The following CEP85L variants were observed in gnomAD, a reference collection of about 807,000 sequenced individuals.
The protein encoded by CEP85L is centrosomal protein 85L.
In CEP85L, 60 loss-of-function variants were observed where a neutral mutation model predicts 100.3. The observed-to-expected ratio is 0.60, with a 90% CI of 0.49 to 0.74. The LOEUF is 0.74. Ranked by LOEUF, CEP85L falls within the 30% of genes least tolerant of loss-of-function variation. The pLI, the probability that CEP85L is intolerant of heterozygous loss-of-function variation, is 0.00. For missense variants in CEP85L, 973 were observed against 936.2 expected, an observed-to-expected ratio of 1.04 and a Z score of -0.51; for synonymous variants, 319 against 322.7, an observed-to-expected ratio of 0.99 and a Z score of 0.12.
chr6:118,540,225 G>A (rs1185332202), intron 3 of CEP85L, among the ~76,000 whole-genome samples: 2 of 151,988 alleles, frequency 1.3e-5, no homozygotes, highest in Non-Finnish European at 2.9e-5. Flanking sequence ...TACTGTAATA[G>A]TAATTATGGC....
At chr6:118,520,249 A>C (rs1776578881) in intron 4 of CEP85L, among the ~76,000 whole-genome samples, 1 of 152,230 alleles carries the variant, frequency 6.6e-6, no homozygotes, top group African/African-American at 2.4e-5. Flanking sequence ...CTCTATACTG[A>C]AAAAGTAAAT....
chr6:118,688,592 G>A (rs1019894453), intron 1 of CEP85L, among the ~76,000 whole-genome samples: 2 of 152,002 alleles, frequency 1.3e-5, no homozygotes, highest in African/African-American at 2.4e-5. Flanking sequence ...ATTTATTTTC[G>A]AATAAACCTT....
chr6:118,597,053 T>A (rs1283164530), intron 2 of CEP85L, among the ~76,000 whole-genome samples: 1 of 36,986 alleles, frequency 2.7e-5, no homozygotes, highest in African/African-American at 1.2e-4. Flanking sequence ...CATAAGGAAA[T>A]TTTTTTCCCC....
intron 2 of CEP85L, among the ~76,000 whole-genome samples, chr6:118,631,966 A>C (rs1473992100): frequency 2.0e-5 from 3 of 152,190 alleles, no homozygotes; most frequent in Non-Finnish European, 4.4e-5. Flanking sequence ...TAAAAAGATG[A>C]AGGAAAAACT....
At chr6:118,507,889 G>GA (rs1327527644) in intron 5 of CEP85L, among the ~76,000 whole-genome samples, 3 of 152,086 alleles carry the variant, frequency 2.0e-5, no homozygotes, top group African/African-American at 7.2e-5. Context: ...AACCCTGTGC[G>GA]AATCAACACA....
At chr6:118,637,313 A>T (rs1424446583) in intron 1 of CEP85L, among the ~76,000 whole-genome samples, 1 of 152,186 alleles carries the variant, frequency 6.6e-6, no homozygotes, top group African/African-American at 2.4e-5. Flanking sequence ...GATCTTCCTA[A>T]AATTTCTTTC....
intron 3 of CEP85L, among the ~76,000 whole-genome samples, chr6:118,528,379 T>C (rs1314783538): frequency 6.6e-6 from 1 of 152,080 alleles, no homozygotes. Context: ...TCCATAAATA[T>C]ACACAAAACA....
At chr6:118,542,574 C>CTACA (rs1777954589) in intron 3 of CEP85L, among the ~76,000 whole-genome samples, 1 of 138,892 alleles carries the variant, frequency 7.2e-6, no homozygotes, top group African/African-American at 2.6e-5. Flanking sequence ...TACGAGAAAA[C>CTACA]TACAGTACAG....
intron 5 of CEP85L, among the ~76,000 whole-genome samples, chr6:118,510,989 A>G (rs1249362180): frequency 6.6e-6 from 1 of 152,154 alleles, no homozygotes; most frequent in Non-Finnish European, 1.5e-5. Context: ...GATAATGTAC[A>G]TATTCTTATA....
chr6:118,666,293 A>T (rs1300837217), intron 1 of CEP85L, among the ~76,000 whole-genome samples: 1 of 152,200 alleles, frequency 6.6e-6, no homozygotes, highest in African/African-American at 2.4e-5. Flanking sequence ...TAAACTTAAG[A>T]GTCCTAGAAA....
intron 3 of CEP85L, among the ~76,000 whole-genome samples, chr6:118,524,589 T>C (rs949688969): frequency 6.6e-6 from 1 of 152,220 alleles, no homozygotes; most frequent in African/African-American, 2.4e-5. Flanking sequence ...AGACAAACAT[T>C]AGCAGGAGAT....
At chr6:118,641,437 T>C (rs1046441472) in intron 1 of CEP85L, among the ~76,000 whole-genome samples, 1 of 152,176 alleles carries the variant, frequency 6.6e-6, no homozygotes, top group Non-Finnish European at 1.5e-5. Context: ...TAGGAAAAAG[T>C]AATGCATTAA....
At chr6:118,477,525 G>T (rs1188988363) in intron 10 of CEP85L, among the ~76,000 whole-genome samples, 5 of 152,034 alleles carry the variant, frequency 3.3e-5, no homozygotes, top group Admixed American at 6.6e-5. Context: ...CCTATAAATT[G>T]GACATAAAAT....
At chr6:118,489,129 T>C (rs746420910) in intron 6 of CEP85L, among the ~76,000 whole-genome samples, 4 of 151,950 alleles carry the variant, frequency 2.6e-5, no homozygotes, top group Non-Finnish European at 5.9e-5. Context: ...TAGCTGGGCA[T>C]GGTGGCACGT....
intron 2 of CEP85L, among the ~76,000 whole-genome samples, chr6:118,619,035 T>C (rs574383437): frequency 2.0e-5 from 3 of 151,454 alleles, no homozygotes; most frequent in South Asian, 2.1e-4. Flanking sequence ...ATCTGGTAAA[T>C]GGAAGGCTCA....
chr6:118,621,991 G>A (rs760522379), intron 2 of CEP85L, among the ~76,000 whole-genome samples: 6 of 152,060 alleles, frequency 3.9e-5, no homozygotes, highest in Non-Finnish European at 7.3e-5. Flanking sequence ...GCCTTCCCAC[G>A]GGACAAAATT....
chr6:118,469,397 C>T, intron 11 of CEP85L, 94 bp from the exon 12 acceptor site: 8 of 923,026 alleles, frequency 8.7e-6, no homozygotes, highest in Non-Finnish European at 1.4e-5. Context: ...AGTCTATAAA[C>T]AAAACGATGG....
chr6:118,538,974 A>C (rs956450994), intron 3 of CEP85L, among the ~76,000 whole-genome samples: 1 of 152,158 alleles, frequency 6.6e-6, no homozygotes, highest in African/African-American at 2.4e-5. Flanking sequence ...CTGAAATAAA[A>C]GAAGTTTATC....
chr6:118,595,377 G>A (rs1412381259), intron 2 of CEP85L, among the ~76,000 whole-genome samples: 1 of 152,154 alleles, frequency 6.6e-6, no homozygotes, highest in Non-Finnish European at 1.5e-5. Flanking sequence ...TCTCAATTTA[G>A]CATTATTTGA....
Sources: gnomAD v4.1 joint callset for allele counts (sites outside exome capture counted in the v4.1 genomes callset) on GRCh38, gnomAD v4.1.1 for gene constraint, MANE v1.5 for transcripts, NCBI Gene and HGNC (gene_info 2026-07-23, HGNC 2026-07-21) for gene names.